The following RABGAP1 variants were observed in gnomAD, a reference collection of about 807,000 sequenced individuals.
The protein encoded by RABGAP1 is rab GTPase-activating protein 1.
A neutral mutation model predicts 137.6 loss-of-function variants in RABGAP1; 23 were observed. The observed-to-expected ratio is 0.17, with a 90% confidence interval of 0.12 to 0.24. RABGAP1 has a LOEUF of 0.24. Ranked by LOEUF, RABGAP1 falls within the 10% of genes least tolerant of loss-of-function variation. The pLI, the probability that RABGAP1 is intolerant of heterozygous loss-of-function variation, is 1.00. For missense variants in RABGAP1, 906 were observed against 1,275.8 expected, an observed-to-expected ratio of 0.71 and a Z score of 4.42; for synonymous variants, 451 against 450.7, an observed-to-expected ratio of 1.00 and a Z score of -0.01.
intron 2 of RABGAP1, among the ~76,000 whole-genome samples, chr9:122,962,373 G>A (rs1307695870): frequency 6.7e-6 from 1 of 148,560 alleles, no homozygotes; most frequent in African/African-American, 2.4e-5. Flanking sequence ...CCACAAATCA[G>A]CCAGGCATTG....
At chr9:122,979,540 A>G (rs924085214) in intron 2 of RABGAP1, among the ~76,000 whole-genome samples, 1 of 152,180 alleles carries the variant, frequency 6.6e-6, no homozygotes, top group African/African-American at 2.4e-5. Context: ...TCTCTATGTC[A>G]CAAGATCAAA....
intron 19 of RABGAP1, among the ~76,000 whole-genome samples, chr9:123,087,615 T>C (rs2034907930): frequency 6.6e-6 from 1 of 152,236 alleles, no homozygotes; most frequent in African/African-American, 2.4e-5. Context: ...CTTAAAGATG[T>C]CCTGCTCCAG....
intron 2 of RABGAP1, among the ~76,000 whole-genome samples, chr9:122,967,645 C>G (rs112291709): frequency 2.0e-5 from 3 of 152,128 alleles, no homozygotes; most frequent in African/African-American, 7.2e-5. Context: ...CTTCCTGTTT[C>G]TACTTTGATT....
At chr9:122,979,818 T>G (rs1005056898) in intron 2 of RABGAP1, among the ~76,000 whole-genome samples, 1 of 152,262 alleles carries the variant, frequency 6.6e-6, no homozygotes, top group Non-Finnish European at 1.5e-5. Flanking sequence ...GATCTTTATA[T>G]TTGCCTCTTC....
At chr9:122,943,486 A>G (rs1042033427) in intron 1 of RABGAP1, among the ~76,000 whole-genome samples, 3 of 152,224 alleles carry the variant, frequency 2.0e-5, no homozygotes, top group African/African-American at 4.8e-5. Flanking sequence ...CATTTTTGGC[A>G]TAGTATTTTG....
chr9:122,994,994 G>A (rs963615472), intron 6 of RABGAP1, among the ~76,000 whole-genome samples: 1 of 152,124 alleles, frequency 6.6e-6, no homozygotes. Context: ...GCATGTACCT[G>A]TAATCCTAGG....
At chr9:123,073,507 C>T (rs569950440) in intron 15 of RABGAP1, 45 bp from the exon 16 acceptor site, 3 of 1,574,820 alleles carry the variant, frequency 1.9e-6, no homozygotes, top group Non-Finnish European at 1.7e-6. Flanking sequence ...TTTGTGATTC[C>T]CCACCGCCAT....
the RABGAP1 span, among the ~76,000 whole-genome samples, chr9:122,934,564 A>T: frequency 2.6e-4 from 40 of 151,862 alleles, no homozygotes; most frequent in Non-Finnish European, 5.3e-4. Flanking sequence ...TTGTAGTGGC[A>T]TGATCACAGC....
upstream of RABGAP1, chr9:122,939,214 G>A (rs1230556716): frequency 1.3e-5 from 2 of 151,286 alleles, no homozygotes; most frequent in African/African-American, 4.9e-5. Flanking sequence ...AAATAAGGTA[G>A]ATATTTTTAA....
In RABGAP1 at chr9:122,989,447, C is replaced by A. The variant is rs1454443410; in HGVS notation, c.741C>A (p.Val247=). 6.2e-7 allele frequency: 1 copy of A among 1,613,876 alleles called. No individual in the cohort carries two copies. Among genetic ancestry groups the A allele is most frequent in the African/African-American group, 1.3e-5 (1 of 74,918 alleles). ...ATGCAGAGCTCTTCAGAATACACGT[C>A]TTCCGGTGTGAAATACAAGAAGCTG... is the stretch of plus-strand genomic sequence containing the variant. ...HYNAELFRIH[V]FRCEIQEAVS... Residue 247 remains valine, a synonymous_variant, in exon 5 of 26, where the codon GTC becomes GTA. Coordinates refer to ENST00000373647, the MANE Select transcript of RABGAP1 (RefSeq NM_012197.4).
chr9:123,011,738 T>G (rs689097), intron 11 of RABGAP1, among the ~76,000 whole-genome samples: 37,833 of 152,168 alleles, frequency 0.25, 6,077 homozygotes, highest in Non-Finnish European at 0.37. Context: ...GAGGATCACT[T>G]GAAGTCAGGA....
intron 2 of RABGAP1, among the ~76,000 whole-genome samples, chr9:122,973,386 A>G (rs539825838): frequency 6.6e-6 from 1 of 152,022 alleles, no homozygotes; most frequent in East Asian, 1.9e-4. Flanking sequence ...ACAGGCGCCC[A>G]CCACCATGCC....
chr9:123,035,496 A>G, intron 13 of RABGAP1: 1 of 1,614,054 alleles, frequency 6.2e-7, no homozygotes, highest in Non-Finnish European at 8.5e-7. Flanking sequence ...CCAACAGTGT[A>G]TTCCAAAGAG....
At chr9:122,993,165 T>C (rs1457862780) in intron 6 of RABGAP1, among the ~76,000 whole-genome samples, 2 of 152,196 alleles carry the variant, frequency 1.3e-5, no homozygotes, top group African/African-American at 4.8e-5. Flanking sequence ...CATATTTGTG[T>C]ATAACACAAG....
At chr9:123,051,524 G>A (rs2033471383) in intron 13 of RABGAP1, among the ~76,000 whole-genome samples, 1 of 151,714 alleles carries the variant, frequency 6.6e-6, no homozygotes, top group Non-Finnish European at 1.5e-5. Flanking sequence ...TGGGATTACA[G>A]GCATGAGCCA....
At chr9:122,977,574 C>G (rs118148792) in intron 2 of RABGAP1, among the ~76,000 whole-genome samples, 1 of 152,120 alleles carries the variant, frequency 6.6e-6, no homozygotes, top group Non-Finnish European at 1.5e-5. Context: ...GGCGTGATGG[C>G]GCATGCCTGT....
chr9:123,015,746 T>C (rs1240629620), intron 12 of RABGAP1, 110 bp downstream of exon 12: 3 of 634,702 alleles, frequency 4.7e-6, no homozygotes, highest in Non-Finnish European at 8.1e-6. Flanking sequence ...CTAAGCGCAA[T>C]GTTTGCATTC....
intron 2 of RABGAP1, among the ~76,000 whole-genome samples, chr9:122,961,472 G>A (rs1179451392): frequency 6.6e-6 from 1 of 152,128 alleles, no homozygotes; most frequent in Non-Finnish European, 1.5e-5. Flanking sequence ...GGCATTCTGA[G>A]GTAAAAACTC....
At chr9:123,002,068 G>A (rs1837348585) in intron 10 of RABGAP1, among the ~76,000 whole-genome samples, 1 of 152,082 alleles carries the variant, frequency 6.6e-6, no homozygotes, top group Non-Finnish European at 1.5e-5. Flanking sequence ...TTGGGAGGCC[G>A]AGGCTGGCGG....
Sources: gnomAD v4.1 joint callset for allele counts (sites outside exome capture counted in the v4.1 genomes callset) on GRCh38, gnomAD v4.1.1 for gene constraint, MANE v1.5 for transcripts, NCBI Gene and HGNC (gene_info 2026-07-23, HGNC 2026-07-21) for gene names.